The following GRIP1 variants were observed in gnomAD, a reference collection of about 807,000 sequenced individuals.
GRIP1 encodes the protein glutamate receptor-interacting protein 1.
A neutral mutation model predicts 129.9 loss-of-function variants in GRIP1; 45 were observed. That is an observed-to-expected ratio of 0.35 (90% CI 0.27 to 0.44). GRIP1 has a LOEUF of 0.44. Ranked by LOEUF, GRIP1 falls within the 20% of genes least tolerant of loss-of-function variation. GRIP1 has a pLI of 1.00. For synonymous variants in GRIP1, 530 were observed against 520.8 expected (o/e 1.02, Z -0.24); for missense variants, 1,196 against 1,396.8 (o/e 0.86, Z 2.29).
At chr12:66,557,925 C>A (rs1039389394) in intron 2 of GRIP1, among the ~76,000 whole-genome samples, 1 of 151,840 alleles carries the variant, frequency 6.6e-6, no homozygotes, top group Non-Finnish European at 1.5e-5. Flanking sequence ...CAAGAGCAAA[C>A]CAAACCCAAA....
At chr12:66,948,351 T>C (rs1459576838) in intron 1 of GRIP1, among the ~76,000 whole-genome samples, 3 of 152,224 alleles carry the variant, frequency 2.0e-5, no homozygotes, top group Admixed American at 6.5e-5. Context: ...CCACTTCACT[T>C]AGCTAAATGA....
At chr12:66,771,168 G>A (rs1391828211) in intron 1 of GRIP1, among the ~76,000 whole-genome samples, 4 of 151,946 alleles carry the variant, frequency 2.6e-5, no homozygotes, top group South Asian at 2.1e-4. Context: ...GAGACATGCC[G>A]AAGACTCAGA....
chr12:66,830,443 G>A (rs539073710), intron 1 of GRIP1, among the ~76,000 whole-genome samples: 4 of 152,198 alleles, frequency 2.6e-5, no homozygotes, highest in South Asian at 4.2e-4. Flanking sequence ...GATGTTACAC[G>A]CTGGCCTGCA....
At chr12:66,932,270 G>A (rs1230267027) in intron 1 of GRIP1, among the ~76,000 whole-genome samples, 1 of 152,100 alleles carries the variant, frequency 6.6e-6, no homozygotes, top group Non-Finnish European at 1.5e-5. Context: ...TTCCATCCAG[G>A]AGCAACAAAA....
At chr12:66,451,940 T>C (rs1216664019) in intron 11 of GRIP1, among the ~76,000 whole-genome samples, 1 of 152,228 alleles carries the variant, frequency 6.6e-6, no homozygotes, top group African/African-American at 2.4e-5. Context: ...CCCAGGTCAA[T>C]AGAAGGGACC....
At chr12:66,955,009 G>A (rs2041817062) in intron 1 of GRIP1, among the ~76,000 whole-genome samples, 1 of 152,020 alleles carries the variant, frequency 6.6e-6, no homozygotes, top group Non-Finnish European at 1.5e-5. Flanking sequence ...AGATGAAGGA[G>A]TTAGCCATGA....
intron 23 of GRIP1, among the ~76,000 whole-genome samples, chr12:66,365,739 CA>C (rs1565668817): frequency 5.3e-5 from 8 of 152,338 alleles, no homozygotes; most frequent in African/African-American, 1.9e-4. Context: ...TTCTGGTATA[CA>C]ACCTTATGTC....
At chr12:67,032,857 C>T (rs1232906318) in intron 1 of GRIP1, among the ~76,000 whole-genome samples, 1 of 152,120 alleles carries the variant, frequency 6.6e-6, no homozygotes, top group East Asian at 1.9e-4. Context: ...AAAAAGATAA[C>T]AAGAAGCAGA....
intron 1 of GRIP1, among the ~76,000 whole-genome samples, chr12:66,857,766 C>A (rs181459301): frequency 4.5e-4 from 69 of 151,814 alleles, no homozygotes; most frequent in Non-Finnish European, 2.9e-5. Context: ...AATAGGGAGA[C>A]AAGAATAAGA....
At chr12:66,411,770 G>C (rs1004343824) in intron 15 of GRIP1, among the ~76,000 whole-genome samples, 1 of 152,196 alleles carries the variant, frequency 6.6e-6, no homozygotes, top group African/African-American at 2.4e-5. Context: ...AGAATAGCCA[G>C]TTTAGTGACA....
At chr12:66,397,322 G>A (rs1342172760) in intron 16 of GRIP1, among the ~76,000 whole-genome samples, 4 of 151,694 alleles carry the variant, frequency 2.6e-5, no homozygotes, top group Admixed American at 1.3e-4. Flanking sequence ...GATCACACTG[G>A]CCAACATGTC....
chr12:66,449,753 T>C (rs2058725875), intron 11 of GRIP1, among the ~76,000 whole-genome samples: 2 of 152,184 alleles, frequency 1.3e-5, no homozygotes, highest in Non-Finnish European at 2.9e-5. Flanking sequence ...TATGTTGCAT[T>C]CCAGTTATTA....
chr12:66,951,602 T>C (rs1428014299), intron 1 of GRIP1, among the ~76,000 whole-genome samples: 2 of 152,216 alleles, frequency 1.3e-5, no homozygotes, highest in Non-Finnish European at 1.5e-5. Context: ...AAGATTGCTC[T>C]GGCTGCACTG....
At chr12:66,478,594 C>T (rs992912161) in intron 7 of GRIP1, among the ~76,000 whole-genome samples, 11 of 152,138 alleles carry the variant, frequency 7.2e-5, no homozygotes, top group Non-Finnish European at 1.5e-4. Flanking sequence ...TTTATTGCGG[C>T]AGTACTCACA....
At chr12:66,635,870 G>C (rs2031312630) in intron 1 of GRIP1, among the ~76,000 whole-genome samples, 1 of 152,130 alleles carries the variant, frequency 6.6e-6, no homozygotes, top group South Asian at 2.1e-4. Flanking sequence ...CACCTCTTTA[G>C]TAATCAGGGA....
At chr12:67,025,342 AATACACACACACACAC>A (rs1467822120) in intron 1 of GRIP1, among the ~76,000 whole-genome samples, 1 of 152,098 alleles carries the variant, frequency 6.6e-6, no homozygotes, top group Non-Finnish European at 1.5e-5. Flanking sequence ...CTCTGTCTCA[AATACACACACACACAC>A]ATACACACAC....
chr12:66,385,606 T>TATTC (rs2056322935), intron 19 of GRIP1, among the ~76,000 whole-genome samples: 1 of 151,968 alleles, frequency 6.6e-6, no homozygotes, highest in African/African-American at 2.4e-5. Flanking sequence ...ATTATTTATT[T>TATTC]ATTTATTTAT....
At chr12:66,808,187 G>GATGGGACAGTTGAGAAGTTGCAA (rs2039033993), upstream of GRIP1, among the ~76,000 whole-genome samples, 1 of 152,120 alleles carries the variant, frequency 6.6e-6, no homozygotes, top group Non-Finnish European at 1.5e-5. Flanking sequence ...AGTCTAAACT[G>GATGGGACAGTTGAGAAGTTGCAA]ATGGGACAGT....
At chr12:66,386,588 C>G (rs1022167522) in intron 19 of GRIP1, among the ~76,000 whole-genome samples, 1 of 151,934 alleles carries the variant, frequency 6.6e-6, no homozygotes, top group Non-Finnish European at 1.5e-5. Flanking sequence ...GAGCTGAGAT[C>G]GCACCACTGC....
Sources: allele counts gnomAD v4.1 joint callset (sites outside exome capture counted in the v4.1 genomes callset), GRCh38; gene constraint gnomAD v4.1.1; transcripts MANE v1.5; gene names NCBI Gene and HGNC (gene_info 2026-07-23, HGNC 2026-07-21).